Variants in PHC2 observed in about 807,000 individuals in gnomAD.
The protein encoded by PHC2 is polyhomeotic-like protein 2.
Under a neutral mutation model 87.4 loss-of-function variants are expected in PHC2, and 29 were observed. That is an observed-to-expected ratio of 0.33 (90% CI 0.25 to 0.45). The LOEUF (loss-of-function observed/expected upper bound fraction) is 0.45, where lower values mean the gene tolerates loss of function less well. Ranked by LOEUF, PHC2 falls within the 20% of genes least tolerant of loss-of-function variation. The pLI is 1.00. For missense variants in PHC2, 857 were observed against 1,136.7 expected (o/e 0.75, Z 3.54); for synonymous variants, 438 against 461.7 (o/e 0.95, Z 0.66).
intron 9 of PHC2, among the ~76,000 whole-genome samples, chr1:33,337,097 T>A (rs1193320892): frequency 6.6e-6 from 1 of 152,238 alleles, no homozygotes; most frequent in South Asian, 2.1e-4. Flanking sequence ...AAATTTTGTT[T>A]TTTAGATGAT....
intron 9 of PHC2, among the ~76,000 whole-genome samples, chr1:33,344,336 C>T (rs985342128): frequency 1.3e-5 from 2 of 152,190 alleles, no homozygotes; most frequent in Admixed American, 6.5e-5. Context: ...TTATCAACTG[C>T]AGCATCACTA....
intron 1 of PHC2, among the ~76,000 whole-genome samples, chr1:33,401,255 G>T (rs1462088653): frequency 6.6e-6 from 1 of 152,164 alleles, no homozygotes; most frequent in Admixed American, 6.5e-5. Flanking sequence ...GAACCCAGGA[G>T]GTGGAGCTTG....
intron 1 of PHC2, among the ~76,000 whole-genome samples, chr1:33,394,266 C>T (rs1000498106): frequency 6.6e-6 from 1 of 151,554 alleles, no homozygotes; most frequent in Non-Finnish European, 1.5e-5. Flanking sequence ...TCCAAATAAT[C>T]CAAGAACACC....
chr1:33,356,571 T>G (rs1647091154), intron 7 of PHC2, among the ~76,000 whole-genome samples: 1 of 151,794 alleles, frequency 6.6e-6, no homozygotes, highest in African/African-American at 2.4e-5. Flanking sequence ...TAACCCTGAG[T>G]GGACACAGCA....
chr1:33,356,849 A>G (rs924973474), intron 7 of PHC2, among the ~76,000 whole-genome samples: 5 of 151,730 alleles, frequency 3.3e-5, no homozygotes, highest in African/African-American at 1.2e-4. Flanking sequence ...GAGGCTCCTC[A>G]CTTCCCAGAC....
At chr1:33,336,880 G>C (rs146698006) in intron 9 of PHC2, 1 of 152,160 alleles carries the variant, frequency 6.6e-6, no homozygotes, top group South Asian at 2.1e-4. Context: ...TGAGAACGTA[G>C]AAAAAACCCC....
chr1:33,345,837 C>T, intron 9 of PHC2: 3 of 984,654 alleles, frequency 3.0e-6, no homozygotes, highest in Non-Finnish European at 3.6e-6. Flanking sequence ...CTCTCAATAC[C>T]TTTAGAAATA....
chr1:33,367,893 C>T (rs555049870), intron 6 of PHC2, among the ~76,000 whole-genome samples: 1 of 152,310 alleles, frequency 6.6e-6, no homozygotes, highest in South Asian at 2.1e-4. Flanking sequence ...AATAAGGTTG[C>T]CACCGGCTCT....
chr1:33,402,500 G>C (rs544578883), intron 1 of PHC2, among the ~76,000 whole-genome samples: 64 of 152,070 alleles, frequency 4.2e-4, no homozygotes, highest in African/African-American at 1.5e-3. Flanking sequence ...TGATGTTCAC[G>C]GTGGAATTGC....
chr1:33,416,411 CAA>C (rs58443586), intron 1 of PHC2, among the ~76,000 whole-genome samples: 16 of 125,180 alleles, frequency 1.3e-4, no homozygotes, highest in East Asian at 4.4e-4. Flanking sequence ...ACTAAAAATA[CAA>C]AAAAAAAAAA....
chr1:33,335,993 G>GT (rs1646623955), intron 9 of PHC2, among the ~76,000 whole-genome samples: 4 of 113,190 alleles, frequency 3.5e-5, no homozygotes, highest in Admixed American at 1.6e-4. Context: ...TGTTGTTGTT[G>GT]TTGTTTTTTT....
intron 1 of PHC2, among the ~76,000 whole-genome samples, chr1:33,402,070 G>C (rs980203039): frequency 2.0e-5 from 3 of 152,026 alleles, no homozygotes; most frequent in African/African-American, 4.8e-5. Flanking sequence ...ATAACAAAAA[G>C]AGAATTTGCA....
chr1:33,396,054 A>C (rs1453049326), intron 1 of PHC2, among the ~76,000 whole-genome samples: 1 of 152,228 alleles, frequency 6.6e-6, no homozygotes, highest in Non-Finnish European at 1.5e-5. Context: ...AATTTTGGGC[A>C]ATATGGTATC....
chr1:33,397,762 T>TG (rs1376100019), intron 1 of PHC2, among the ~76,000 whole-genome samples: 2 of 152,158 alleles, frequency 1.3e-5, no homozygotes, highest in African/African-American at 4.8e-5. Flanking sequence ...TTATGAAGCC[T>TG]GGTTACCAGG....
chr1:33,427,386 A>G (rs1570518990), intron 1 of PHC2, among the ~76,000 whole-genome samples: 2 of 152,228 alleles, frequency 1.3e-5, no homozygotes, highest in African/African-American at 2.4e-5. Context: ...ATTTTAGGTC[A>G]ACGAAAATAA....
intron 7 of PHC2, among the ~76,000 whole-genome samples, chr1:33,358,422 A>G (rs1352545691): frequency 6.6e-6 from 1 of 152,152 alleles, no homozygotes; most frequent in Non-Finnish European, 1.5e-5. Context: ...CAGAGACCCA[A>G]AGGTATTTGG....
rs1337400346 is a variant in PHC2, at chr1:33,330,068, T to A, written c.2148+3A>T. On this transcript the variant is annotated splice_donor_region_variant and intron_variant, in intron 13 of 14. Transcript: ENST00000683057. ...GGAGCTTCAGGCTCTGCCCGCCTCT[T>A]ACCTGCTTCTTGGTATCCTTGGTAA... 7.4e-6 allele frequency: 12 copies of A among 1,613,352 alleles called. No individual in the cohort carries two copies. In the South Asian group the frequency reaches 1.2e-4, roughly 16 times the overall value.
chr1:33,420,761 T>C (rs1650402526), intron 1 of PHC2, among the ~76,000 whole-genome samples: 1 of 152,048 alleles, frequency 6.6e-6, no homozygotes, highest in Non-Finnish European at 1.5e-5. Flanking sequence ...AGGTGCATAC[T>C]ACCACACCTG....
At chr1:33,326,033 T>C in intron 14 of PHC2, 1 of 362,984 alleles carries the variant, frequency 2.8e-6, no homozygotes, top group Non-Finnish European at 5.6e-6. Context: ...TAAAAGAACA[T>C]TTTGTAAAAA....
Sources: allele counts gnomAD v4.1 joint callset (sites outside exome capture counted in the v4.1 genomes callset), GRCh38; gene constraint gnomAD v4.1.1; transcripts MANE v1.5; gene names NCBI Gene and HGNC (gene_info 2026-07-23, HGNC 2026-07-21).